The following TRPM3 variants were observed in gnomAD, a reference collection of about 807,000 sequenced individuals.
The protein encoded by TRPM3 is transient receptor potential cation channel subfamily M member 3.
Under a neutral mutation model 181.2 loss-of-function variants are expected in TRPM3, and 77 were observed. The ratio of observed to expected loss-of-function variants is 0.42; its 90% CI spans 0.35 to 0.51. TRPM3 has a LOEUF of 0.51. Among genes scored for constraint, TRPM3 ranks in the 20% least tolerant of loss-of-function variants. The pLI, the probability that TRPM3 is intolerant of heterozygous loss-of-function variation, is 0.01. For synonymous variants in TRPM3, 745 were observed against 796.4 expected (o/e 0.94, Z 1.09); for missense variants, 1,759 against 2,196.7 (o/e 0.80, Z 3.98).
rs538266735 is a variant in TRPM3, at chr9:70,813,537, T to A, written c.973+14310A>T. 1.2e-3 allele frequency among the ~76,000 whole-genome samples: 178 copies of A among 152,132 alleles called. No individual in the cohort carries two copies. In the South Asian group the frequency reaches 0.036, roughly 31 times the overall value. ...TCCAAAAGGAGGCAGGGGCTGAAAATCTTCCTATTGAGTACTGTGTTCATT... is the reference window on the plus strand; with the variant it reads ...TCCAAAAGGAGGCAGGGGCTGAAAAACTTCCTATTGAGTACTGTGTTCATT... On this transcript the variant is annotated intron_variant, in intron 6 of 25. Coordinates refer to ENST00000677713, the MANE Select transcript of TRPM3 (RefSeq NM_001366145.2).
chr9:71,039,921 A>G (rs1418889443), intron 1 of TRPM3, among the ~76,000 whole-genome samples: 3 of 152,184 alleles, frequency 2.0e-5, no homozygotes, highest in African/African-American at 7.2e-5. Context: ...GTCACATTTT[A>G]TAATATGGGT....
chr9:71,223,028 G>T (rs2080336817), intron 1 of TRPM3, among the ~76,000 whole-genome samples: 1 of 152,010 alleles, frequency 6.6e-6, no homozygotes, highest in Admixed American at 6.6e-5. Flanking sequence ...AGAGCCAGTG[G>T]ACTTGGGGGC....
chr9:70,939,176 G>A (rs2063476855), intron 1 of TRPM3, among the ~76,000 whole-genome samples: 1 of 152,098 alleles, frequency 6.6e-6, no homozygotes, highest in African/African-American at 2.4e-5. Flanking sequence ...CACCAAAAGG[G>A]TATTAAGGAA....
chr9:70,644,390 G>A (rs946007523), intron 9 of TRPM3, among the ~76,000 whole-genome samples: 1 of 152,132 alleles, frequency 6.6e-6, no homozygotes, highest in African/African-American at 2.4e-5. Context: ...GGAGCAATCT[G>A]CTGGCCCGGC....
intron 1 of TRPM3, among the ~76,000 whole-genome samples, chr9:71,111,172 G>A (rs769012815): frequency 6.6e-6 from 1 of 152,146 alleles, no homozygotes; most frequent in Non-Finnish European, 1.5e-5. Context: ...ATGAGAAAAT[G>A]ATTTCTTAGT....
At chr9:70,865,403 C>T (rs1286106519) in intron 1 of TRPM3, 1 of 152,134 alleles carries the variant, frequency 6.6e-6, no homozygotes, top group African/African-American at 2.4e-5. Context: ...AGGATTCCTT[C>T]TCTAAGCCTT....
chr9:71,090,915 T>C (rs2066097057), intron 1 of TRPM3, among the ~76,000 whole-genome samples: 2 of 152,272 alleles, frequency 1.3e-5, no homozygotes, highest in South Asian at 2.1e-4. Context: ...CAGTCATATG[T>C]AGTGATTTTT....
chr9:70,875,049 CA>C (rs1413586053), intron 1 of TRPM3, among the ~76,000 whole-genome samples: 5 of 151,852 alleles, frequency 3.3e-5, no homozygotes, highest in Admixed American at 6.6e-5. Flanking sequence ...TCACAAGGTA[CA>C]GACTTAAATC....
At chr9:70,982,409 C>T (rs1042107346) in intron 1 of TRPM3, among the ~76,000 whole-genome samples, 4 of 152,180 alleles carry the variant, frequency 2.6e-5, no homozygotes, top group African/African-American at 9.6e-5. Context: ...CTGACCTAGA[C>T]AACAGTCTTC....
chr9:70,682,803 C>T (rs2065800880), intron 8 of TRPM3, among the ~76,000 whole-genome samples: 1 of 152,128 alleles, frequency 6.6e-6, no homozygotes, highest in Non-Finnish European at 1.5e-5. Context: ...TATTATAGTA[C>T]TCAACTGTTT....
intron 1 of TRPM3, among the ~76,000 whole-genome samples, chr9:71,253,212 C>A (rs1245205188): frequency 1.3e-5 from 2 of 152,054 alleles, no homozygotes; most frequent in African/African-American, 2.4e-5. Flanking sequence ...AGATGTCCAA[C>A]AAATGTTTGA....
chr9:70,795,437 C>T (rs2086773266), intron 6 of TRPM3, among the ~76,000 whole-genome samples: 1 of 152,160 alleles, frequency 6.6e-6, no homozygotes, highest in Non-Finnish European at 1.5e-5. Flanking sequence ...AAAATGAATG[C>T]ATTTTACACA....
intron 1 of TRPM3, among the ~76,000 whole-genome samples, chr9:70,998,897 C>A (rs918436147): frequency 6.6e-5 from 10 of 152,192 alleles, no homozygotes; most frequent in African/African-American, 2.4e-4. Context: ...TTATCCCCTG[C>A]TCACTCATCA....
At chr9:70,905,432 C>G in intron 1 of TRPM3, among the ~76,000 whole-genome samples, 1 of 152,182 alleles carries the variant, frequency 6.6e-6, no homozygotes, top group South Asian at 2.1e-4. Context: ...ACAGAAGATA[C>G]CAAAGGTCCT....
intron 1 of TRPM3, chr9:70,869,079 T>C (rs984220132): frequency 1.0e-6 from 1 of 984,774 alleles, no homozygotes; most frequent in Non-Finnish European, 1.2e-6. Flanking sequence ...ATTCCGTTAA[T>C]AATGCTCTTA....
At chr9:71,204,462 T>A (rs10868976) in intron 1 of TRPM3, among the ~76,000 whole-genome samples, 65,238 of 151,842 alleles carry the variant, frequency 0.43, 14,407 homozygotes, top group East Asian at 0.52. Context: ...ACATGAAAAA[T>A]TGCTCACCAT....
chr9:71,296,985 TTTC>T (rs2086322587), intron 1 of TRPM3, among the ~76,000 whole-genome samples: 3 of 135,874 alleles, frequency 2.2e-5, no homozygotes, highest in Non-Finnish European at 4.6e-5. Flanking sequence ...ATGTGAATCT[TTTC>T]TTTTTTTTTT....
chr9:70,927,092 G>C (rs944384707), intron 1 of TRPM3, among the ~76,000 whole-genome samples: 5 of 152,066 alleles, frequency 3.3e-5, no homozygotes, highest in Non-Finnish European at 7.4e-5. Flanking sequence ...TATTTATCAA[G>C]GTTTTATACT....
At chr9:71,106,017 C>T (rs982170400) in intron 1 of TRPM3, among the ~76,000 whole-genome samples, 4 of 152,074 alleles carry the variant, frequency 2.6e-5, no homozygotes, top group Admixed American at 2.6e-4. Flanking sequence ...GTAAGTTATA[C>T]TCAATTCAAG....
Sources: allele counts gnomAD v4.1 joint callset (sites outside exome capture counted in the v4.1 genomes callset), GRCh38; gene constraint gnomAD v4.1.1; transcripts MANE v1.5; gene names NCBI Gene and HGNC (gene_info 2026-07-23, HGNC 2026-07-21).